THSD4: variants seen among roughly 807,000 people sequenced by gnomAD.
The protein encoded by THSD4 is thrombospondin type-1 domain-containing protein 4.
Under a neutral mutation model 119.0 loss-of-function variants are expected in THSD4, and 69 were observed. That is an observed-to-expected ratio of 0.58 (90% CI 0.48 to 0.71). The LOEUF (loss-of-function observed/expected upper bound fraction) is 0.71, where lower values mean the gene tolerates loss of function less well. Among genes scored for constraint, THSD4 ranks in the 30% least tolerant of loss-of-function variants. The pLI is 0.00. For synonymous variants in THSD4, 524 were observed against 540.4 expected (o/e 0.97, Z 0.42); for missense variants, 1,393 against 1,391.1 (o/e 1.00, Z -0.02).
chr15:71,407,707 G>A (rs746800413), intron 6 of THSD4, among the ~76,000 whole-genome samples: 10 of 152,068 alleles, frequency 6.6e-5, no homozygotes, highest in African/African-American at 2.2e-4. Context: ...TTAAATTCAG[G>A]CGTGGGATCT....
chr15:71,271,966 T>G (rs2044535798), intron 6 of THSD4, among the ~76,000 whole-genome samples: 1 of 152,158 alleles, frequency 6.6e-6, no homozygotes, highest in African/African-American at 2.4e-5. Context: ...AGCTTCTGCA[T>G]AGCAAAAGAA....
intron 6 of THSD4, among the ~76,000 whole-genome samples, chr15:71,359,650 A>T (rs1254996241): frequency 6.6e-6 from 1 of 152,140 alleles, no homozygotes; most frequent in Non-Finnish European, 1.5e-5. Context: ...CTCTACCAAA[A>T]ATATGAAAAA....
At chr15:71,761,494 A>AT (rs1230478221) in intron 15 of THSD4, among the ~76,000 whole-genome samples, 1 of 152,140 alleles carries the variant, frequency 6.6e-6, no homozygotes, top group Non-Finnish European at 1.5e-5. Context: ...CCCCCCAAAG[A>AT]TTTTTTTATT....
chr15:71,436,150 C>T (rs944419844), intron 7 of THSD4, among the ~76,000 whole-genome samples: 3 of 152,162 alleles, frequency 2.0e-5, no homozygotes, highest in Admixed American at 6.5e-5. Flanking sequence ...TAAATAGATG[C>T]GGGTCTGATG....
chr15:71,260,532 A>G (rs940799783), intron 6 of THSD4, among the ~76,000 whole-genome samples: 3 of 152,200 alleles, frequency 2.0e-5, no homozygotes, highest in Non-Finnish European at 4.4e-5. Context: ...AAGTGACAGA[A>G]ACCCAAACTA....
chr15:71,164,841 C>G (rs1447392854), intron 3 of THSD4: 1 of 1,584,822 alleles, frequency 6.3e-7, no homozygotes, highest in African/African-American at 1.4e-5. Flanking sequence ...TCCTCTTCAT[C>G]TTCCTCATCT....
chr15:71,106,107 A>G (rs1418716041), intron 1 of THSD4, among the ~76,000 whole-genome samples: 1 of 152,240 alleles, frequency 6.6e-6, no homozygotes, highest in East Asian at 1.9e-4. Context: ...TAGGTGGCAT[A>G]AAGAATGACT....
chr15:71,608,249 TACACACACACACACACACAC>T (rs55892951), intron 7 of THSD4, among the ~76,000 whole-genome samples: 2 of 106,240 alleles, frequency 1.9e-5, no homozygotes, highest in Admixed American at 1.2e-4. Flanking sequence ...TATATATATA[TACACACACACACACACACAC>T]ACACACACAC....
intron 7 of THSD4, among the ~76,000 whole-genome samples, chr15:71,460,211 G>C (rs1198360543): frequency 6.6e-6 from 1 of 151,848 alleles, no homozygotes; most frequent in Non-Finnish European, 1.5e-5. Context: ...TCAATGTTCT[G>C]AGCCGACTCA....
At chr15:71,680,543 C>T (rs534853703) in intron 8 of THSD4, among the ~76,000 whole-genome samples, 5 of 152,156 alleles carry the variant, frequency 3.3e-5, no homozygotes, top group Admixed American at 6.5e-5. Context: ...ATAAATACTC[C>T]ACATCATTGC....
rs570578926 is a variant in THSD4 at position 71,779,884 on chromosome 15, G to A, written c.*2510G>A. On this transcript the variant is annotated 3_prime_UTR_variant, in exon 18 of 18. Transcript: ENST00000261862. ...AACAAACCATTGAGCTGTTCTTGGA[G>A]TTCATCTCTGGAGAGGTTATACATT... The A allele has an allele frequency of 7.9e-5, 12 of 151,962 alleles. No homozygotes were observed. Among genetic ancestry groups the A allele is most frequent in the Admixed American group, 1.3e-4 (2 of 15,284 alleles). The allele number at this position is 151,962 out of a possible 1,614,324, so 9.4% of individuals were successfully genotyped here. A position where few individuals can be genotyped will look rare whatever the true frequency, so the allele number is the denominator to read the frequency against.
At chr15:71,727,623 A>AC (rs2052885714) in intron 8 of THSD4, among the ~76,000 whole-genome samples, 1 of 129,790 alleles carries the variant, frequency 7.7e-6, no homozygotes, top group African/African-American at 3.1e-5. Context: ...CACACACACA[A>AC]GCCAGGCATG....
At chr15:71,733,744 AC>A (rs2141139951) in intron 10 of THSD4, 1 of 151,628 alleles carries the variant, frequency 6.6e-6, no homozygotes, top group East Asian at 2.0e-4. Context: ...AAATGGCAAA[AC>A]CCCATCTCTG....
intron 4 of THSD4, among the ~76,000 whole-genome samples, chr15:71,226,698 AC>A (rs1214645265): frequency 2.0e-5 from 3 of 152,212 alleles, no homozygotes; most frequent in South Asian, 4.1e-4. Flanking sequence ...TCACAAAGCC[AC>A]ATGCCGATTT....
At chr15:71,164,415 A>G (rs1422947628) in intron 3 of THSD4, among the ~76,000 whole-genome samples, 1 of 149,590 alleles carries the variant, frequency 6.7e-6, no homozygotes, top group East Asian at 2.1e-4. Context: ...TTAACAGAAC[A>G]ACAATTATTT....
chr15:71,546,737 C>A (rs1474189118), intron 7 of THSD4, among the ~76,000 whole-genome samples: 1 of 152,254 alleles, frequency 6.6e-6, no homozygotes, highest in African/African-American at 2.4e-5. Flanking sequence ...AAACACACAT[C>A]ACCCTTGTGA....
At chr15:71,548,986 C>G (rs531227980) in intron 7 of THSD4, among the ~76,000 whole-genome samples, 11 of 152,232 alleles carry the variant, frequency 7.2e-5, no homozygotes, top group Non-Finnish European at 1.6e-4. Flanking sequence ...TACCTGCACA[C>G]AGCTGACTCG....
chr15:71,684,517 CT>C (rs11357397), intron 8 of THSD4, among the ~76,000 whole-genome samples: 50,643 of 145,712 alleles, frequency 0.35, 9,001 homozygotes, highest in East Asian at 0.52. Flanking sequence ...ATCTTGTAAT[CT>C]TTTTTTTTTT....
chr15:71,344,038 C>CTT (rs34729777), intron 6 of THSD4, among the ~76,000 whole-genome samples: 46 of 120,514 alleles, frequency 3.8e-4, no homozygotes, highest in African/African-American at 8.4e-4. Context: ...AGCCAGGATT[C>CTT]TTTTTTTTTT....
Sources: allele counts gnomAD v4.1 joint callset (sites outside exome capture counted in the v4.1 genomes callset), GRCh38; gene constraint gnomAD v4.1.1; transcripts MANE v1.5; gene names NCBI Gene and HGNC (gene_info 2026-07-23, HGNC 2026-07-21).